Variants in USP46 observed in about 807,000 individuals in gnomAD.
USP46 encodes ubiquitin carboxyl-terminal hydrolase 46.
USP46 carries 12 observed loss-of-function variants against 44.4 expected under a neutral mutation model. The ratio of observed to expected loss-of-function variants is 0.27; its 90% CI spans 0.17 to 0.44. USP46 has a LOEUF of 0.44. Ranked by LOEUF, USP46 falls within the 20% of genes least tolerant of loss-of-function variation. The pLI is 1.00. For synonymous variants in USP46, 155 were observed against 161.5 expected (o/e 0.96, Z 0.31); for missense variants, 248 against 444.8 (o/e 0.56, Z 3.98).
At chr4:52,616,173 T>C (rs1407795279) in intron 4 of USP46, among the ~76,000 whole-genome samples, 1 of 152,242 alleles carries the variant, frequency 6.6e-6, no homozygotes, top group African/African-American at 2.4e-5. Context: ...TCTGGAAACA[T>C]TTCTCAATGT....
chr4:52,639,976 AT>A (rs1718272861), intron 1 of USP46, among the ~76,000 whole-genome samples: 1 of 144,412 alleles, frequency 6.9e-6, no homozygotes, highest in African/African-American at 2.6e-5. Flanking sequence ...AAGTGCTGGG[AT>A]TACTGGTGTG....
intron 3 of USP46, among the ~76,000 whole-genome samples, chr4:52,626,951 A>C (rs552271037): frequency 6.6e-6 from 1 of 152,350 alleles, no homozygotes; most frequent in South Asian, 2.1e-4. Context: ...TGTCCTCCCA[A>C]AGATCATATT....
chr4:52,598,021 A>C (rs1225980198), intron 8 of USP46, among the ~76,000 whole-genome samples: 1 of 152,186 alleles, frequency 6.6e-6, no homozygotes, highest in Non-Finnish European at 1.5e-5. Context: ...CCAGATGGTA[A>C]ACTGATGGGT....
rs1271367163 is a variant in USP46 at position 52,593,588 on chromosome 4, CCA to C, written c.*4050_*4051del. ...ATAGTTACTGTAGGCTTCACTGAGGCCACATGGCATGGACCTGTGCCTGCCCT... is the reference window on the plus strand; with the variant it reads ...ATAGTTACTGTAGGCTTCACTGAGGCCATGGCATGGACCTGTGCCTGCCCT... On this transcript the variant is annotated 3_prime_UTR_variant, in exon 9 of 9. Coordinates refer to ENST00000441222, the MANE Select transcript of USP46 (RefSeq NM_022832.4). 1 of 152,270 alleles carries C rather than the reference CCA, an allele frequency of 6.6e-6. No individual in the cohort carries two copies. Among genetic ancestry groups the C allele is most frequent in the African/African-American group, 2.4e-5 (1 of 41,474 alleles). The allele number at this position is 152,270 out of a possible 1,614,324, so 9.4% of individuals were successfully genotyped here. A position where few individuals can be genotyped will look rare whatever the true frequency, so the allele number is the denominator to read the frequency against.
At chr4:52,645,179 C>G (rs957419344) in intron 1 of USP46, among the ~76,000 whole-genome samples, 6 of 149,512 alleles carry the variant, frequency 4.0e-5, no homozygotes, top group Non-Finnish European at 8.9e-5. Flanking sequence ...GAGCCGAGAT[C>G]GCGCCACTGC....
rs1716298120 is a variant in USP46 at position 52,597,628 on chromosome 4, C to A, written c.*12G>T. 1.3e-6 allele frequency: 2 copies of A among 1,543,028 alleles called. No individual in the cohort carries two copies. The highest frequency in any genetic ancestry group is 2.4e-5 in the South Asian group (2 of 84,622). On this transcript the variant is annotated 3_prime_UTR_variant, in exon 9 of 9. Transcript: ENST00000441222. ...ATTCTCCCCACGTGAATCAGTCCCG[C>A]AGGTCTTTCAGTTACTCTCTTGACT... is the stretch of plus-strand genomic sequence containing the variant.
chr4:52,615,671 G>T (rs747201362), intron 4 of USP46, among the ~76,000 whole-genome samples: 10 of 152,242 alleles, frequency 6.6e-5, no homozygotes, highest in Non-Finnish European at 1.5e-4. Context: ...GAAACATCCA[G>T]AAAAGGCAAA....
intron 1 of USP46, among the ~76,000 whole-genome samples, chr4:52,641,489 G>C (rs540218951): frequency 3.8e-4 from 58 of 152,230 alleles, no homozygotes; most frequent in African/African-American, 1.4e-3. Context: ...GACGGATAAA[G>C]AAAGAAATGT....
intron 2 of USP46, among the ~76,000 whole-genome samples, chr4:52,629,849 G>A (rs534836800): frequency 6.6e-6 from 1 of 152,282 alleles, no homozygotes; most frequent in Admixed American, 6.5e-5. Context: ...CTCAGAGAGT[G>A]CAAGTGACTT....
chr4:52,636,182 G>C (rs931962106), intron 1 of USP46, among the ~76,000 whole-genome samples: 4 of 152,142 alleles, frequency 2.6e-5, no homozygotes, highest in African/African-American at 9.7e-5. Context: ...GAAGAGATCA[G>C]AGTGAGGCAA....
chr4:52,598,819 C>T (rs1331170729), intron 7 of USP46, 113 bp from the exon 8 acceptor site: 13 of 979,466 alleles, frequency 1.3e-5, no homozygotes, highest in African/African-American at 6.6e-5. Context: ...ATGTCATCAG[C>T]GTAAAGAACT....
intron 1 of USP46, among the ~76,000 whole-genome samples, chr4:52,646,396 C>T (rs1289248157): frequency 2.0e-5 from 3 of 152,138 alleles, no homozygotes; most frequent in Non-Finnish European, 2.9e-5. Context: ...AAATTCTGGG[C>T]TCTCTCCTCC....
intron 4 of USP46, among the ~76,000 whole-genome samples, chr4:52,622,231 AT>A (rs967312185): frequency 3.9e-5 from 6 of 152,168 alleles, no homozygotes; most frequent in African/African-American, 1.4e-4. Context: ...TTAATGTTCC[AT>A]TTTTTTATAG....
intron 4 of USP46, among the ~76,000 whole-genome samples, chr4:52,614,811 T>C (rs1321610710): frequency 6.6e-6 from 1 of 152,222 alleles, no homozygotes; most frequent in Non-Finnish European, 1.5e-5. Flanking sequence ...CCTGTGGGAT[T>C]TATATTCTAC....
chr4:52,608,498 GAGATGAATACATCTAA>G (rs1411630014), intron 5 of USP46, among the ~76,000 whole-genome samples: 3 of 152,266 alleles, frequency 2.0e-5, no homozygotes, highest in African/African-American at 4.8e-5. Flanking sequence ...AGGAGCTGAG[GAGATGAATACATCTAA>G]TCCATTTTCC....
intron 4 of USP46, among the ~76,000 whole-genome samples, chr4:52,620,082 T>C (rs541936913): frequency 4.6e-5 from 7 of 152,316 alleles, no homozygotes; most frequent in Non-Finnish European, 7.4e-5. Flanking sequence ...AAAGGCATTT[T>C]TGGGCACAGG....
In USP46 at chr4:52,597,646, T is replaced by G; in HGVS notation, c.1095A>C (p.Arg365Ser). 1.3e-6 allele frequency: 2 copies of G among 1,578,864 alleles called. No homozygotes were observed. The highest frequency in any genetic ancestry group is 1.7e-6 in the Non-Finnish European group (2 of 1,159,376). Residue 365 changes from arginine to serine, a missense_variant, in exon 9 of 9, where the codon AGA becomes AGC. Arg to Ser is a moderately radical substitution (Grantham distance 110). Coordinates refer to ENST00000441222, the MANE Select transcript of USP46 (RefSeq NM_022832.4). ...ESGYILFYQS[R>S]E The stretch of plus-strand genomic sequence containing the variant: ...AGTCCCGCAGGTCTTTCAGTTACTC[T>G]CTTGACTGATAGAATAAAATATATC...
At chr4:52,598,758 T>C in intron 7 of USP46, 52 bp from the exon 8 acceptor site, 5 of 1,513,618 alleles carry the variant, frequency 3.3e-6, no homozygotes, top group Non-Finnish European at 4.5e-6. Context: ...TATCTCTTTA[T>C]AAAACTCTAC....
intron 4 of USP46, among the ~76,000 whole-genome samples, chr4:52,616,233 C>T (rs1717141559): frequency 6.6e-6 from 1 of 152,188 alleles, no homozygotes; most frequent in African/African-American, 2.4e-5. Flanking sequence ...GCCAGAGATG[C>T]TGCTTAACAT....
Sources: allele counts gnomAD v4.1 joint callset (sites outside exome capture counted in the v4.1 genomes callset), GRCh38; gene constraint gnomAD v4.1.1; transcripts MANE v1.5; gene names NCBI Gene and HGNC (gene_info 2026-07-23, HGNC 2026-07-21).